NAALAD2: variants seen among roughly 807,000 people sequenced by gnomAD.
NAALAD2 encodes the protein N-acetylated alpha-linked acidic dipeptidase 2.
In NAALAD2, 89 loss-of-function variants were observed where a neutral mutation model predicts 95.6. That is an observed-to-expected ratio of 0.93 (90% confidence interval 0.78 to 1.11). The LOEUF is 1.11. Among genes scored for constraint, NAALAD2 ranks in the 50% least tolerant of loss-of-function variants. The pLI is 0.00. For missense variants in NAALAD2, 894 were observed against 872.4 expected (o/e 1.02, Z -0.31); for synonymous variants, 264 against 294.4 (o/e 0.90, Z 1.06).
intron 11 of NAALAD2, among the ~76,000 whole-genome samples, chr11:90,167,517 A>C (rs1952505715): frequency 6.6e-6 from 1 of 152,214 alleles, no homozygotes; most frequent in Admixed American, 6.5e-5. Context: ...CCAAGGGCTG[A>C]GAAGTGCCGG....
rs1591038668 is a variant in NAALAD2, at chr11:90,191,479, C to T, written c.2034-79C>T. On this transcript the variant is annotated intron_variant, in intron 18 of 18. Coordinates refer to ENST00000534061, the MANE Select transcript of NAALAD2 (RefSeq NM_005467.4). Reference sequence around the variant, plus strand: ...AACAAAAGTGAGTATCACAAGGAAACATCATGTGGTCTAAACAAAAAGCAT... The same window carrying T: ...AACAAAAGTGAGTATCACAAGGAAATATCATGTGGTCTAAACAAAAAGCAT... 5 of 989,576 alleles carry T rather than the reference C, an allele frequency of 5.1e-6. No individual in the cohort carries two copies. In the African/African-American group the frequency reaches 6.6e-5, roughly 13 times the overall value. 61.3% of individuals were successfully genotyped at this position (989,576 alleles called of 1,614,324 possible).
Position 90,159,301 on chromosome 11 carries a change from G to A in NAALAD2, c.953G>A (p.Ser318Asn), listed in dbSNP as rs772715652. ...AAGGGAGCCCTTAATGTGAGTTATA[G>A]TATCGGACCTGGCTTTACAGGGAGT... ...SWKGALNVSY[S>N]IGPGFTGSDS... is the part of the protein sequence containing the mutation. The change falls in exon 8 of 19, where the codon AGT (serine) becomes AAT (asparagine). Residue 318 changes from serine (S) to asparagine (N), a missense_variant. Ser to Asn is a conservative substitution (Grantham distance 46). Coordinates refer to ENST00000534061, the MANE Select transcript of NAALAD2 (RefSeq NM_005467.4). 2 of 1,613,882 alleles carry A rather than the reference G, an allele frequency of 1.2e-6. No individual in the cohort carries two copies. The highest frequency in any genetic ancestry group is 1.3e-5 in the African/African-American group (1 of 75,030).
At chr11:90,144,745 A>AAAAAAAAAC (rs1174615870) in intron 2 of NAALAD2, among the ~76,000 whole-genome samples, 3 of 150,710 alleles carry the variant, frequency 2.0e-5, no homozygotes, top group African/African-American at 7.3e-5. Context: ...TCCATTAAAA[A>AAAAAAAAAC]AAAAAAAAAA....
At chr11:90,168,519 A>C (rs1462580408) in intron 11 of NAALAD2, among the ~76,000 whole-genome samples, 1 of 147,856 alleles carries the variant, frequency 6.8e-6, no homozygotes, top group South Asian at 2.1e-4. Flanking sequence ...AAATAAAATA[A>C]AATAATAAAA....
At chr11:90,183,081 T>C (rs1591027404) in intron 18 of NAALAD2, 73 bp downstream of exon 18, 12 of 1,033,840 alleles carry the variant, frequency 1.2e-5, no homozygotes, top group East Asian at 2.4e-5. Context: ...TTTAAACTAA[T>C]GCCATTAGAT....
At chr11:90,137,099 G>A (rs1389358502) in intron 2 of NAALAD2, among the ~76,000 whole-genome samples, 1 of 152,058 alleles carries the variant, frequency 6.6e-6, no homozygotes, top group Non-Finnish European at 1.5e-5. Flanking sequence ...AGTGAAATAA[G>A]CCAGGCACAG....
intron 6 of NAALAD2, among the ~76,000 whole-genome samples, chr11:90,154,704 T>C (rs1290368898): frequency 6.6e-6 from 1 of 151,062 alleles, no homozygotes; most frequent in African/African-American, 2.4e-5. Context: ...ATGGGTTCAA[T>C]GTTGTCTATA....
rs1951773334 is a variant in NAALAD2, at chr11:90,147,428, C to T, written c.293C>T (p.Ala98Val). 6.2e-7 allele frequency: 1 copy of T among 1,613,834 alleles called. No individual in the cohort carries two copies. The highest frequency in any genetic ancestry group is 1.3e-5 in the African/African-American group (1 of 74,906). Reference sequence around the variant, plus strand: ...TGGAAGAAATTTGGACTAGATTCAGCCAAGTTGGTTCATTATGATGTCCTC... The same window carrying T: ...TGGAAGAAATTTGGACTAGATTCAGTCAAGTTGGTTCATTATGATGTCCTC... ...TQWKKFGLDSAKLVHYDVLLS... is the reference protein window; with the variant it reads ...TQWKKFGLDSVKLVHYDVLLS... The change falls in exon 3 of 19, where the codon GCC becomes GTC. Residue 98 changes from alanine (A) to valine (V), a missense_variant. By Grantham distance (64) the Ala-to-Val change is moderately conservative. Coordinates refer to ENST00000534061, the MANE Select transcript of NAALAD2 (RefSeq NM_005467.4).
chr11:90,190,506 G>A (rs536345189), intron 18 of NAALAD2, among the ~76,000 whole-genome samples: 15 of 152,172 alleles, frequency 9.9e-5, no homozygotes, highest in East Asian at 7.7e-4. Context: ...AAGGTTATTC[G>A]CTTCCTATAT....
intron 3 of NAALAD2, 102 bp downstream of exon 3, chr11:90,147,618 T>A: frequency 9.6e-6 from 10 of 1,041,202 alleles, no homozygotes; most frequent in African/African-American, 1.6e-5. Flanking sequence ...AATAGTGAAT[T>A]ATTCAGTATC....
chr11:90,134,887 C>A, intron 1 of NAALAD2, 47 bp downstream of exon 1: 1 of 1,595,800 alleles, frequency 6.3e-7, no homozygotes, highest in South Asian at 1.1e-5. Flanking sequence ...TCGTGATTCT[C>A]TGCAGAGATA....
chr11:90,135,665 T>C lies in NAALAD2; in HGVS notation c.189T>C (p.Phe63=). The C allele has an allele frequency of 6.2e-7, 1 of 1,609,984 alleles. No individual in the cohort carries two copies. The highest frequency in any genetic ancestry group is 8.5e-7 in the Non-Finnish European group (1 of 1,177,194). The change falls in exon 2 of 19, where the codon TTT becomes TTC. Residue 63 remains phenylalanine, a synonymous_variant. Transcript: ENST00000534061. ...SEMKAENIKS[F]LRSFTKLPHL... is the part of the protein sequence containing the mutation. ...TGAAAGCTGAAAACATCAAATCATT[T>C]CTTCGGTAAGTTTATTTTACGTATT... is the stretch of plus-strand genomic sequence containing the variant.
At chr11:90,184,898 A>G (rs72956882) in intron 18 of NAALAD2, among the ~76,000 whole-genome samples, 23,493 of 152,152 alleles carry the variant, frequency 0.15, 1,950 homozygotes, top group East Asian at 0.25. Flanking sequence ...GTACTGATTT[A>G]CAGACCTTTT....
At position 90,169,002 on chromosome 11, in the gene NAALAD2, A is replaced by T. The variant is rs1483605117; in HGVS notation, c.1342+10A>T. 5 of 1,585,744 alleles carry T rather than the reference A, an allele frequency of 3.2e-6. No individual in the cohort carries two copies. Among genetic ancestry groups the T allele is most frequent in the Non-Finnish European group, 4.3e-6 (5 of 1,167,834 alleles). ...GATTCATCTATAGAAGGTAAATTTT[A>T]TTTCAATTTGAAGTGAAATTTTCAG... On this transcript the variant is annotated intron_variant, in intron 12 of 18. Transcript: ENST00000534061.
intron 2 of NAALAD2, among the ~76,000 whole-genome samples, chr11:90,144,739 T>TCAAAAAAAAAAAA (rs1951707371): frequency 2.0e-5 from 1 of 48,902 alleles, no homozygotes; most frequent in African/African-American, 1.5e-4. Context: ...CAAAACTCCA[T>TCAAAAAAAAAAAA]TAAAAAAAAA....
chr11:90,132,930 A>G (rs1951374656), upstream of NAALAD2, among the ~76,000 whole-genome samples: 2 of 152,226 alleles, frequency 1.3e-5, no homozygotes, highest in African/African-American at 4.8e-5. Context: ...CTTAAATTGC[A>G]TGCAAACATT....
intron 16 of NAALAD2, among the ~76,000 whole-genome samples, chr11:90,179,539 A>G (rs1952901791): frequency 6.6e-6 from 1 of 151,908 alleles, no homozygotes. Flanking sequence ...TATGGTCTAG[A>G]AAAAAAATGA....
intron 15 of NAALAD2, 77 bp downstream of exon 15, chr11:90,176,139 G>T: frequency 9.0e-7 from 1 of 1,107,684 alleles, no homozygotes. Context: ...GAGTTGTTTG[G>T]CACCAGACAC....
intron 6 of NAALAD2, among the ~76,000 whole-genome samples, chr11:90,155,876 T>C (rs1050058659): frequency 7.1e-6 from 1 of 141,260 alleles, no homozygotes; most frequent in African/African-American, 2.6e-5. Flanking sequence ...TAATATGTAA[T>C]GTATATGTAA....
Sources: allele counts gnomAD v4.1 joint callset (sites outside exome capture counted in the v4.1 genomes callset), GRCh38; gene constraint gnomAD v4.1.1; transcripts MANE v1.5; gene names NCBI Gene and HGNC (gene_info 2026-07-23, HGNC 2026-07-21).